OAS1: variants seen among roughly 807,000 people sequenced by gnomAD.
The protein encoded by OAS1 is 2'-5'-oligoadenylate synthetase 1.
Under a neutral mutation model 38.5 loss-of-function variants are expected in OAS1, and 24 were observed. That is an observed-to-expected ratio of 0.62 (90% CI 0.45 to 0.88). The LOEUF (loss-of-function observed/expected upper bound fraction) is 0.88, where lower values mean the gene tolerates loss of function less well. OAS1 is among the 40% of genes least tolerant of loss of function. The pLI is 0.00. For missense variants in OAS1, 482 were observed against 493.9 expected, an observed-to-expected ratio of 0.98 and a Z score of 0.23; for synonymous variants, 169 against 193.9, an observed-to-expected ratio of 0.87 and a Z score of 1.07.
chr12:112,928,346 C>T (rs995096031), intron 6 of OAS1, among the ~76,000 whole-genome samples: 8 of 152,212 alleles, frequency 5.3e-5, no homozygotes, highest in Admixed American at 5.2e-4. Context: ...AGAATCATTC[C>T]ATGGGAGGAC....
rs1286562423 is a variant in OAS1, at chr12:112,908,636, G to T, written c.281G>T (p.Arg94Leu). The change falls in exon 2 of 6, where the codon CGC becomes CTC. Residue 94 changes from arginine (R) to leucine (L), a missense_variant. Transcript: ENST00000202917. Reference protein sequence around the residue: ...PLTTFQDQLNRRGEFIQEIRR... With the variant: ...PLTTFQDQLNLRGEFIQEIRR... The stretch of plus-strand genomic sequence containing the variant: ...ACCACTTTTCAGGATCAGTTAAATC[G>T]CCGGGGAGAGTTCATCCAGGAAATT... 6 of 1,614,030 alleles carry T rather than the reference G, an allele frequency of 3.7e-6. No individual in the cohort carries two copies. The highest frequency in any genetic ancestry group is 1.1e-5 in the South Asian group (1 of 91,078).
intron 3 of OAS1, among the ~76,000 whole-genome samples, chr12:112,911,972 C>A (rs1201138788): frequency 1.3e-5 from 2 of 152,114 alleles, no homozygotes; most frequent in Admixed American, 1.3e-4. Context: ...CATTTTACAC[C>A]AAGAGAAACT....
downstream of OAS1, chr12:112,932,255 T>G: frequency 4.7e-6 from 1 of 210,894 alleles, no homozygotes; most frequent in Non-Finnish European, 9.3e-6. Flanking sequence ...TTGAGTTAGC[T>G]GTGTATGACT....
chr12:112,921,824 G>A (rs1243400286), downstream of OAS1, among the ~76,000 whole-genome samples: 2 of 152,214 alleles, frequency 1.3e-5, no homozygotes, highest in African/African-American at 2.4e-5. Context: ...CCTGGCCAGG[G>A]AGGTGGCAGT....
rs368680661 is a variant in OAS1, at chr12:112,917,796, C to G, written c.1038+96C>G. The G allele has an allele frequency of 3.7e-4, 596 of 1,613,344 alleles. 2 individuals carry two copies. In the African/African-American group the frequency reaches 7.1e-3, roughly 19 times the overall value. ...AGACCATTCTTTCCAAAGAACTTAC[C>G]TCTTGCCAAAGGCCATTTATATTCA... On this transcript the variant is annotated intron_variant, in intron 5 of 5. Transcript: ENST00000202917.
chr12:112,925,009 G>C (rs957661556), intron 6 of OAS1, among the ~76,000 whole-genome samples: 3 of 152,240 alleles, frequency 2.0e-5, no homozygotes, highest in East Asian at 3.9e-4. Flanking sequence ...GGAAATTTCT[G>C]AGCCCTCAGA....
intron 4 of OAS1, 126 bp downstream of exon 4, chr12:112,916,864 T>C: frequency 1.4e-6 from 1 of 724,276 alleles, no homozygotes; most frequent in Non-Finnish European, 2.4e-6. Context: ...TGCCCATCAT[T>C]GTACTGGGCA....
chr12:112,912,643 A>G (rs2136307038), intron 3 of OAS1, among the ~76,000 whole-genome samples: 1 of 152,332 alleles, frequency 6.6e-6, no homozygotes, highest in East Asian at 1.9e-4. Context: ...TTGAAAATTA[A>G]TGAGGGTGTT....
At chr12:112,920,818 C>T (rs565235960), downstream of OAS1, among the ~76,000 whole-genome samples, 2 of 152,318 alleles carry the variant, frequency 1.3e-5, no homozygotes, top group East Asian at 3.9e-4. Flanking sequence ...TTAGTCCCCC[C>T]ACATCCCTGT....
intron 6 of OAS1, among the ~76,000 whole-genome samples, chr12:112,929,138 A>G (rs569475920): frequency 6.6e-6 from 1 of 152,280 alleles, no homozygotes; most frequent in East Asian, 1.9e-4. Flanking sequence ...CACCCATGTG[A>G]TTCACATCTG....
chr12:112,922,551 G>C (rs180866380), downstream of OAS1, among the ~76,000 whole-genome samples: 154 of 152,208 alleles, frequency 1.0e-3, 2 homozygotes, highest in Non-Finnish European at 1.8e-3. Flanking sequence ...AGTCCTGCCT[G>C]CCCTATTGCC....
Position 112,930,139 on chromosome 12 carries a change from T to C in OAS1, c.1168-1739T>C, listed in dbSNP as rs56965230. On this transcript the variant is annotated intron_variant, in intron 6 of 6. Coordinates refer to the OAS1 transcript ENST00000540589. Reference sequence around the variant, plus strand: ...AAACTGGGTGGCACCTCCTCCCCACTTTCTCTCACTCCTGCTTTCGCCACA... The same window carrying C: ...AAACTGGGTGGCACCTCCTCCCCACCTTCTCTCACTCCTGCTTTCGCCACA... 3.5e-3 allele frequency among the ~76,000 whole-genome samples: 539 copies of C among 152,210 alleles called. 8 individuals carry two copies. Among genetic ancestry groups the C allele is most frequent in the African/African-American group, 0.013 (526 of 41,510 alleles).
intron 4 of OAS1, 182 bp downstream of exon 4, chr12:112,916,920 A>T (rs2043468752): frequency 1.7e-6 from 1 of 589,950 alleles, no homozygotes; most frequent in South Asian, 2.0e-5. Flanking sequence ...CAACCCTGTG[A>T]GGCAGGCACT....
Position 112,931,273 on chromosome 12 carries a change from CA to C in OAS1, c.1168-603del, listed in dbSNP as rs1445966324. 6.6e-5 allele frequency among the ~76,000 whole-genome samples: 10 copies of C among 152,208 alleles called. 1 individual carries two copies. In the South Asian group the frequency reaches 1.2e-3, roughly 19 times the overall value. On this transcript the variant is annotated intron_variant, in intron 6 of 6. Transcript: ENST00000540589. ...ATTATTTCATTTTATTCTCACATCA[CA>C]ACCTTGTGAGGTGGAGGAGCATGAT...
chr12:112,910,743 G>C (rs545081858), intron 2 of OAS1, among the ~76,000 whole-genome samples: 1 of 152,320 alleles, frequency 6.6e-6, no homozygotes, highest in East Asian at 1.9e-4. Flanking sequence ...TAAAATTCCA[G>C]ATGTTATGGG....
chr12:112,918,638 A>G, intron 5 of OAS1: 1 of 455,928 alleles, frequency 2.2e-6, no homozygotes, highest in African/African-American at 2.0e-5. Flanking sequence ...TTGCTCAAGG[A>G]CATCAGCTAA....
At chr12:112,913,962 A>G (rs918948849) in intron 3 of OAS1, among the ~76,000 whole-genome samples, 2 of 151,854 alleles carry the variant, frequency 1.3e-5, no homozygotes, top group East Asian at 3.9e-4. Context: ...TTCTATTTCA[A>G]TAGGTTTTTG....
rs1193143749 is a variant in OAS1, at chr12:112,908,549, G to T, written c.194G>T (p.Gly65Val). 2 of 1,612,594 alleles carry T rather than the reference G, an allele frequency of 1.2e-6. No homozygotes were observed. Among genetic ancestry groups the T allele is most frequent in the Non-Finnish European group, 1.7e-6 (2 of 1,178,946 alleles). Residue 65 changes from glycine (G) to valine (V), a missense_variant, in exon 2 of 6, where the codon GGC becomes GTC. Gly to Val is a moderately radical substitution (Grantham distance 109). Coordinates refer to ENST00000202917, the MANE Select transcript of OAS1 (RefSeq NM_016816.4). ...CGTCTTTTTCAGGGTGGCTCCTCAG[G>T]CAAGGGCACCACCCTCAGAGGCCGA... ...VSKVVKGGSS[G>V]KGTTLRGRSD...
intron 3 of OAS1, among the ~76,000 whole-genome samples, chr12:112,911,741 A>G (rs1433714032): frequency 6.6e-6 from 1 of 152,220 alleles, no homozygotes; most frequent in Non-Finnish European, 1.5e-5. Context: ...GTAGCATGCC[A>G]TAGCTAGAGT....
Sources: allele counts gnomAD v4.1 joint callset (sites outside exome capture counted in the v4.1 genomes callset), GRCh38; gene constraint gnomAD v4.1.1; transcripts MANE v1.5; gene names NCBI Gene and HGNC (gene_info 2026-07-23, HGNC 2026-07-21).